The following THSD7B variants were observed in gnomAD, a reference collection of about 807,000 sequenced individuals.
THSD7B encodes thrombospondin type 1 domain containing 7B.
Under a neutral mutation model 213.6 loss-of-function variants are expected in THSD7B, and 138 were observed. The observed-to-expected ratio is 0.65, with a 90% CI of 0.56 to 0.74. The LOEUF (loss-of-function observed/expected upper bound fraction) is 0.74, where lower values mean the gene tolerates loss of function less well. Among genes scored for constraint, THSD7B ranks in the 30% least tolerant of loss-of-function variants. THSD7B has a pLI of 0.00. For synonymous variants in THSD7B, 742 were observed against 687.0 expected (o/e 1.08, Z -1.25); for missense variants, 1,931 against 1,991.5 (o/e 0.97, Z 0.58).
At chr2:137,132,278 A>G (rs1897418) in intron 5 of THSD7B, among the ~76,000 whole-genome samples, 114,003 of 150,294 alleles carry the variant, frequency 0.76, 43,549 homozygotes, top group Non-Finnish European at 0.78. Flanking sequence ...AGGAGATTTT[A>G]GGCTGAGACA....
chr2:137,075,705 A>G (rs944833635), intron 3 of THSD7B, among the ~76,000 whole-genome samples: 4 of 152,040 alleles, frequency 2.6e-5, no homozygotes, highest in Admixed American at 6.5e-5. Flanking sequence ...TGTTTTTCCC[A>G]TCTTTGTGGT....
intron 2 of THSD7B, among the ~76,000 whole-genome samples, chr2:136,920,806 C>T (rs1264599580): frequency 6.6e-6 from 1 of 152,142 alleles, no homozygotes; most frequent in African/African-American, 2.4e-5. Flanking sequence ...TGCTTCTTGG[C>T]ACCCAAAGTC....
chr2:137,590,792 G>GTTTTTTTTTTTTCTTTTTT (rs1681847298), intron 17 of THSD7B, among the ~76,000 whole-genome samples: 1 of 88,706 alleles, frequency 1.1e-5, no homozygotes, highest in Non-Finnish European at 2.3e-5. Context: ...CTTTGAAATA[G>GTTTTTTTTTTTTCTTTTTT]TTTTTTTTTT....
intron 7 of THSD7B, among the ~76,000 whole-genome samples, chr2:137,221,581 T>G (rs769032795): frequency 6.6e-6 from 1 of 152,246 alleles, no homozygotes; most frequent in East Asian, 1.9e-4. Context: ...TTTTTGACTT[T>G]GTTTTTCCAT....
intron 12 of THSD7B, among the ~76,000 whole-genome samples, chr2:137,382,720 G>A (rs1216756578): frequency 6.6e-6 from 1 of 152,208 alleles, no homozygotes; most frequent in Non-Finnish European, 1.5e-5. Flanking sequence ...GAACAGCAGA[G>A]TACACTGAGT....
intron 2 of THSD7B, among the ~76,000 whole-genome samples, chr2:136,922,218 T>C (rs1421688661): frequency 6.6e-6 from 1 of 152,186 alleles, no homozygotes; most frequent in Admixed American, 6.5e-5. Context: ...GGATGGCCAC[T>C]GTCGCTACAT....
At chr2:137,352,994 C>A (rs2104923643) in intron 12 of THSD7B, among the ~76,000 whole-genome samples, 1 of 151,912 alleles carries the variant, frequency 6.6e-6, no homozygotes, top group East Asian at 1.9e-4. Context: ...TTAAAATCTC[C>A]TAGAATTGGA....
intron 15 of THSD7B, among the ~76,000 whole-genome samples, chr2:137,541,647 G>T (rs999579010): frequency 6.6e-6 from 1 of 151,634 alleles, no homozygotes; most frequent in African/African-American, 2.4e-5. Flanking sequence ...CAGCTGTAAT[G>T]TTAGACAAAG....
intron 12 of THSD7B, among the ~76,000 whole-genome samples, chr2:137,300,198 C>T (rs1419453799): frequency 6.6e-6 from 1 of 152,106 alleles, no homozygotes; most frequent in Non-Finnish European, 1.5e-5. Flanking sequence ...GCTTCTTATT[C>T]CTACTTACCC....
intron 4 of THSD7B, among the ~76,000 whole-genome samples, chr2:137,111,126 G>A (rs1265233891): frequency 2.0e-5 from 3 of 152,152 alleles, no homozygotes; most frequent in African/African-American, 7.2e-5. Context: ...GCATCCCTAG[G>A]TGACCACAGG....
At chr2:137,256,945 G>A (rs759651685) in intron 10 of THSD7B, among the ~76,000 whole-genome samples, 5 of 152,132 alleles carry the variant, frequency 3.3e-5, no homozygotes, top group Non-Finnish European at 5.9e-5. Flanking sequence ...GTGAGGGTCC[G>A]CATTTGGTGA....
chr2:136,996,250 A>G (rs1331986537), intron 2 of THSD7B, among the ~76,000 whole-genome samples: 1 of 152,222 alleles, frequency 6.6e-6, no homozygotes, highest in African/African-American at 2.4e-5. Context: ...TGGAAAAGAC[A>G]TGGAAACCTA....
intron 2 of THSD7B, among the ~76,000 whole-genome samples, chr2:136,970,207 T>TA (rs1341909739): frequency 6.6e-6 from 1 of 152,140 alleles, no homozygotes. Context: ...CTCATACCTG[T>TA]AATCACAGCA....
chr2:137,074,784 G>A (rs1051532006), intron 3 of THSD7B, among the ~76,000 whole-genome samples: 2 of 152,126 alleles, frequency 1.3e-5, no homozygotes, highest in Admixed American at 6.5e-5. Context: ...AGGCCTGGTG[G>A]TGACAAAATC....
intron 2 of THSD7B, among the ~76,000 whole-genome samples, chr2:137,031,654 T>TAACAAAAA (rs1172418284): frequency 6.6e-6 from 1 of 151,054 alleles, no homozygotes; most frequent in African/African-American, 2.4e-5. Flanking sequence ...TAGCAAAATA[T>TAACAAAAA]ATTCAAAAAG....
intron 7 of THSD7B, among the ~76,000 whole-genome samples, chr2:137,214,319 G>A (rs866937415): frequency 1.6e-4 from 25 of 152,018 alleles, no homozygotes; most frequent in South Asian, 4.1e-4. Context: ...TTAACAAGTG[G>A]AAATTGAACT....
intron 11 of THSD7B, among the ~76,000 whole-genome samples, chr2:137,273,071 G>C (rs1276046139): frequency 1.4e-5 from 2 of 143,760 alleles, no homozygotes; most frequent in African/African-American, 5.2e-5. Flanking sequence ...CACACACACA[G>C]GTGGTAACTT....
At chr2:136,786,062 A>C (rs1448563073) in intron 1 of THSD7B, among the ~76,000 whole-genome samples, 1 of 152,216 alleles carries the variant, frequency 6.6e-6, no homozygotes, top group Non-Finnish European at 1.5e-5. Context: ...AGTATTGTCC[A>C]TATAATCATG....
chr2:137,142,517 A>G (rs182251051), intron 5 of THSD7B, among the ~76,000 whole-genome samples: 208 of 152,300 alleles, frequency 1.4e-3, no homozygotes, highest in African/African-American at 4.6e-3. Flanking sequence ...TTGAGAAATT[A>G]AAGATGATAC....
Sources: gnomAD v4.1 joint callset for allele counts (sites outside exome capture counted in the v4.1 genomes callset) on GRCh38, gnomAD v4.1.1 for gene constraint, MANE v1.5 for transcripts, NCBI Gene and HGNC (gene_info 2026-07-23, HGNC 2026-07-21) for gene names.